Variants in SLC12A1 observed in about 807,000 individuals in gnomAD.
SLC12A1 encodes Na-K-2Cl cotransporter.
SLC12A1 carries 89 observed loss-of-function variants against 130.4 expected under a neutral mutation model. The ratio of observed to expected loss-of-function variants is 0.68; its 90% CI spans 0.58 to 0.81. SLC12A1 has a LOEUF of 0.81. Ranked by LOEUF, SLC12A1 falls within the 40% of genes least tolerant of loss-of-function variation. The pLI, the probability that SLC12A1 is intolerant of heterozygous loss-of-function variation, is 0.00. For missense variants in SLC12A1, 1,310 were observed against 1,336.4 expected (o/e 0.98, Z 0.31); for synonymous variants, 499 against 460.0 (o/e 1.08, Z -1.09).
intron 10 of SLC12A1, among the ~76,000 whole-genome samples, chr15:48,242,834 T>C (rs2041533087): frequency 1.3e-5 from 2 of 151,556 alleles, no homozygotes; most frequent in Admixed American, 1.3e-4. Flanking sequence ...AAATGTATTG[T>C]TGGGGCATGT....
chr15:48,301,285 G>A (rs780966516), intron 25 of SLC12A1, 30 bp from the exon 26 acceptor site: 18 of 1,493,734 alleles, frequency 1.2e-5, no homozygotes, highest in Non-Finnish European at 1.5e-5. Context: ...TGGTAGAACT[G>A]TACTCAACAA....
intron 17 of SLC12A1, among the ~76,000 whole-genome samples, chr15:48,263,241 C>G (rs1280301675): frequency 6.6e-6 from 1 of 152,122 alleles, no homozygotes; most frequent in Admixed American, 6.5e-5. Flanking sequence ...AATTGAAAGT[C>G]GATTCCATTG....
chr15:48,234,638 C>T (rs1041916173), intron 8 of SLC12A1, among the ~76,000 whole-genome samples: 6 of 151,550 alleles, frequency 4.0e-5, no homozygotes, highest in East Asian at 1.9e-4. Flanking sequence ...CAGCTACTTG[C>T]GGGGGCCGAG....
At chr15:48,282,954 C>T (rs769755292) in intron 20 of SLC12A1, among the ~76,000 whole-genome samples, 8 of 152,126 alleles carry the variant, frequency 5.3e-5, no homozygotes, top group Non-Finnish European at 1.0e-4. Context: ...CTCACTTAAC[C>T]TATTAGTTTC....
chr15:48,226,613 G>A (rs1416466068), intron 5 of SLC12A1, 42 bp downstream of exon 5: 8 of 1,224,126 alleles, frequency 6.5e-6, no homozygotes, highest in South Asian at 1.3e-5. Flanking sequence ...CACTTGCTAC[G>A]GGTAGGCGAA....
chr15:48,282,249 C>T (rs1191083330), intron 20 of SLC12A1, among the ~76,000 whole-genome samples: 1 of 152,130 alleles, frequency 6.6e-6, no homozygotes, highest in Non-Finnish European at 1.5e-5. Context: ...GAGGAAACTG[C>T]TACATCTAAA....
At position 48,287,154 on chromosome 15, in the gene SLC12A1, G is replaced by A. The variant is rs7174887; in HGVS notation, c.2630-889G>A. On this transcript the variant is annotated intron_variant, in intron 21 of 26. Coordinates refer to ENST00000380993, the MANE Select transcript of SLC12A1 (RefSeq NM_000338.3). ...TAAAGTCATGACTTTCAAAGACACAGATATGAGAAATGCTACGTACGCTGT... is the reference window on the plus strand; with the variant it reads ...TAAAGTCATGACTTTCAAAGACACAAATATGAGAAATGCTACGTACGCTGT... 4.9e-3 allele frequency among the ~76,000 whole-genome samples: 741 copies of A among 152,244 alleles called. 8 individuals are homozygous for A. The highest frequency in any genetic ancestry group is 0.044 in the Middle Eastern group (13 of 294).
chr15:48,254,918 C>T (rs2041689361), intron 15 of SLC12A1, among the ~76,000 whole-genome samples: 1 of 151,252 alleles, frequency 6.6e-6, no homozygotes, highest in African/African-American at 2.4e-5. Flanking sequence ...AGCCAGACTC[C>T]GTCTCAAACA....
rs548583520 is a variant in SLC12A1, at chr15:48,234,734, C to A, written c.1088-143C>A. 63 of 692,070 alleles carry A rather than the reference C, an allele frequency of 9.1e-5. 2 individuals carry two copies. Among genetic ancestry groups the A allele is most frequent in the Middle Eastern group, 8.5e-4 (2 of 2,344 alleles). 42.9% of individuals were successfully genotyped at this position (692,070 alleles called of 1,614,324 possible). ...TGCCATTGCACTCCAGCCTGGGCAA[C>A]AGAGTGAGACTCTGTCTCAAAAAAA... On this transcript the variant is annotated intron_variant, in intron 8 of 26. Transcript: ENST00000380993.
chr15:48,295,659 T>C (rs1215836824), intron 24 of SLC12A1, among the ~76,000 whole-genome samples: 1 of 152,142 alleles, frequency 6.6e-6, no homozygotes, highest in East Asian at 1.9e-4. Context: ...ATTTTGGAGA[T>C]TTTCTCTCTG....
rs1434861090 is a variant in SLC12A1, at chr15:48,226,553, A to G, written c.706A>G (p.Asn236Asp). ...GTTGTCAACTTCTGCGATAGCAACT[A>G]ACGGGTTTGTTCGTGGAGGTAAAAT... is the stretch of plus-strand genomic sequence containing the variant. ...TGLSTSAIATNGFVRGGGAYY... is the reference protein window; with the variant it reads ...TGLSTSAIATDGFVRGGGAYY... The change falls in exon 5 of 27, where the codon AAC becomes GAC. Residue 236 changes from asparagine (N) to aspartate (D), a missense_variant. Coordinates refer to ENST00000380993, the MANE Select transcript of SLC12A1 (RefSeq NM_000338.3). The G allele has an allele frequency of 2.5e-6, 4 of 1,608,800 alleles. No individual in the cohort carries two copies. The South Asian group carries it at 3.3e-5, about 13-fold the overall frequency.
At chr15:48,264,107 G>T (rs557297187) in intron 17 of SLC12A1, among the ~76,000 whole-genome samples, 11 of 152,052 alleles carry the variant, frequency 7.2e-5, no homozygotes. Context: ...AATTTTATGG[G>T]TATTCTTCTC....
chr15:48,223,250 C>T (rs573497021), intron 4 of SLC12A1: 2 of 152,188 alleles, frequency 1.3e-5, no homozygotes, highest in African/African-American at 4.8e-5. Flanking sequence ...TAAGAATTAT[C>T]TGGGAAGTTA....
intron 9 of SLC12A1, among the ~76,000 whole-genome samples, chr15:48,236,755 G>T (rs1265442433): frequency 6.6e-6 from 1 of 152,172 alleles, no homozygotes; most frequent in African/African-American, 2.4e-5. Context: ...TGTTCAAAAT[G>T]ATTCAAATAG....
intron 23 of SLC12A1, among the ~76,000 whole-genome samples, chr15:48,289,942 G>A (rs1485474244): frequency 6.6e-6 from 1 of 151,922 alleles, no homozygotes; most frequent in Admixed American, 6.6e-5. Flanking sequence ...AGCTGGACCT[G>A]GGAATAAAAA....
chr15:48,236,862 T>C lies in SLC12A1; in HGVS notation c.1215+1858T>C, dbSNP rs113948942. 1,715 of 484,076 alleles carry C rather than the reference T, an allele frequency of 3.5e-3. 30 individuals are homozygous for C. The highest frequency in any genetic ancestry group is 0.03 in the African/African-American group (1,552 of 51,390). 30.0% of individuals were successfully genotyped at this position (484,076 alleles called of 1,614,324 possible). A position where few individuals can be genotyped will look rare whatever the true frequency, so the allele number is the denominator to read the frequency against. The stretch of plus-strand genomic sequence containing the variant: ...GTCACTGATTTAAATTTCTGCAAAT[T>C]ATAAGCACACCTTTAAATTAAAGAA... On this transcript the variant is annotated intron_variant, in intron 9 of 26. Coordinates refer to ENST00000380993, the MANE Select transcript of SLC12A1 (RefSeq NM_000338.3).
At chr15:48,277,290 G>A (rs910733426) in intron 20 of SLC12A1, among the ~76,000 whole-genome samples, 1 of 151,630 alleles carries the variant, frequency 6.6e-6, no homozygotes, top group Non-Finnish European at 1.5e-5. Flanking sequence ...GAATGGAAGA[G>A]TTGGCCTGAA....
intron 2 of SLC12A1, among the ~76,000 whole-genome samples, chr15:48,211,469 A>C (rs2041051306): frequency 6.6e-6 from 1 of 152,180 alleles, no homozygotes; most frequent in South Asian, 2.1e-4. Flanking sequence ...TCCTCAAATC[A>C]CAACTAGAAA....
At chr15:48,257,625 C>T (rs1045604598) in intron 16 of SLC12A1, among the ~76,000 whole-genome samples, 1 of 152,198 alleles carries the variant, frequency 6.6e-6, no homozygotes, top group South Asian at 2.1e-4. Context: ...AGCCACCATC[C>T]AAGCTATACC....
Sources: gnomAD v4.1 joint callset for allele counts (sites outside exome capture counted in the v4.1 genomes callset) on GRCh38, gnomAD v4.1.1 for gene constraint, MANE v1.5 for transcripts, NCBI Gene and HGNC (gene_info 2026-07-23, HGNC 2026-07-21) for gene names.